FKBP3: variants seen among roughly 807,000 people sequenced by gnomAD.
FKBP3 encodes FKBP prolyl isomerase 3.
A neutral mutation model predicts 30.6 loss-of-function variants in FKBP3; 21 were observed. The observed-to-expected ratio is 0.69, with a 90% CI of 0.49 to 0.99. FKBP3 has a LOEUF of 0.99. FKBP3 is among the 50% of genes least tolerant of loss of function. The pLI is 0.00. For missense variants in FKBP3, 283 were observed against 261.6 expected, an observed-to-expected ratio of 1.08 and a Z score of -0.56; for synonymous variants, 82 against 91.3, an observed-to-expected ratio of 0.90 and a Z score of 0.58.
chr14:45,120,517 C>T (rs1210654092), intron 5 of FKBP3, among the ~76,000 whole-genome samples: 1 of 152,170 alleles, frequency 6.6e-6, no homozygotes, highest in Non-Finnish European at 1.5e-5. Context: ...AGTTATAAGA[C>T]ATTTTACAGG....
At chr14:45,127,239 G>A (rs752811965) in intron 3 of FKBP3, among the ~76,000 whole-genome samples, 6 of 150,870 alleles carry the variant, frequency 4.0e-5, no homozygotes, top group Admixed American at 2.0e-4. Flanking sequence ...TCAACCTTCC[G>A]AGTAGCTGGG....
At chr14:45,125,009 C>T (rs558848124) in intron 3 of FKBP3, among the ~76,000 whole-genome samples, 2 of 151,604 alleles carry the variant, frequency 1.3e-5, no homozygotes, top group Non-Finnish European at 2.9e-5. Flanking sequence ...CTCTGTTTCC[C>T]GAGTTCAAGC....
Position 45,115,893 on chromosome 14 carries a change from ACAGT to A in FKBP3, c.*301_*304del. The A allele has an allele frequency of 3.7e-6, 1 of 271,496 alleles. No individual in the cohort carries two copies. The highest frequency in any genetic ancestry group is 7.2e-6 in the Non-Finnish European group (1 of 138,508). 16.8% of individuals were successfully genotyped at this position (271,496 alleles called of 1,614,324 possible). ...ATAATATATTAACACCAAACAAATC[ACAGT>A]CAGATCAAGACAGTGGATCAATTTT... On this transcript the variant is annotated 3_prime_UTR_variant, in exon 7 of 7. Coordinates refer to ENST00000396062, the MANE Select transcript of FKBP3 (RefSeq NM_002013.4).
chr14:45,133,719 G>A (rs1356781289), intron 1 of FKBP3, among the ~76,000 whole-genome samples: 1 of 152,136 alleles, frequency 6.6e-6, no homozygotes, highest in Non-Finnish European at 1.5e-5. Flanking sequence ...ACAGTATAAA[G>A]CATTTCAAAT....
At chr14:45,117,987 T>C (rs749014570) in intron 6 of FKBP3, 41 bp downstream of exon 6, 44 of 1,436,126 alleles carry the variant, frequency 3.1e-5, no homozygotes, top group Non-Finnish European at 4.0e-5. Context: ...CTAGACGTTT[T>C]TTTTTTTTCA....
chr14:45,117,546 A>G (rs1352295230), intron 6 of FKBP3, among the ~76,000 whole-genome samples: 1 of 152,088 alleles, frequency 6.6e-6, no homozygotes, highest in African/African-American at 2.4e-5. Flanking sequence ...GTAATAATAA[A>G]TGCTTACACT....
At chr14:45,124,823 C>T (rs569263279) in intron 3 of FKBP3, among the ~76,000 whole-genome samples, 7 of 152,192 alleles carry the variant, frequency 4.6e-5, no homozygotes, top group South Asian at 4.1e-4. Context: ...TAGAAAAATA[C>T]GTAGGACATG....
chr14:45,124,378 A>C (rs934312012), intron 3 of FKBP3, among the ~76,000 whole-genome samples: 1 of 152,098 alleles, frequency 6.6e-6, no homozygotes, highest in East Asian at 1.9e-4. Context: ...CTAAAAATAC[A>C]AAAATTAGCT....
At chr14:45,125,903 A>AT (rs758654184) in intron 3 of FKBP3, among the ~76,000 whole-genome samples, 247 of 145,292 alleles carry the variant, frequency 1.7e-3, no homozygotes, top group Non-Finnish European at 2.6e-3. Flanking sequence ...AAGAAAAAAA[A>AT]TTTTTTTTTT....
At chr14:45,134,292 AG>A (rs377237372) in intron 1 of FKBP3, 56 bp downstream of exon 1, 6 of 1,346,844 alleles carry the variant, frequency 4.5e-6, no homozygotes, top group Middle Eastern at 1.8e-4. Context: ...GGGCATCTCC[AG>A]GGGGGTGAGG....
chr14:45,123,496 A>G (rs1885030297), intron 3 of FKBP3, among the ~76,000 whole-genome samples: 1 of 150,224 alleles, frequency 6.7e-6, no homozygotes, highest in African/African-American at 2.4e-5. Flanking sequence ...CCTGATTTTG[A>G]TAAGCGCCAG....
chr14:45,119,746 G>A (rs1461457830), intron 5 of FKBP3, among the ~76,000 whole-genome samples: 1 of 149,372 alleles, frequency 6.7e-6, no homozygotes, highest in Admixed American at 6.7e-5. Context: ...GGAGTGCAGT[G>A]GCGTGATCTC....
chr14:45,126,221 G>A lies in FKBP3; in HGVS notation c.318+3573C>T, dbSNP rs530008790. Among the ~76,000 whole-genome samples, 8 of 151,440 alleles carry A rather than the reference G, an allele frequency of 5.3e-5. No individual in the cohort carries two copies. In the East Asian group the frequency reaches 1.4e-3, roughly 27 times the overall value. ...CATGTCTATACAGGCCGGGCACAGT[G>A]GCTCACGCCTGTAATCCCAGCACTT... On this transcript the variant is annotated intron_variant, in intron 3 of 6. Coordinates refer to ENST00000396062, the MANE Select transcript of FKBP3 (RefSeq NM_002013.4).
chr14:45,133,756 G>A (rs781085485), intron 1 of FKBP3, among the ~76,000 whole-genome samples: 3 of 152,186 alleles, frequency 2.0e-5, no homozygotes, highest in Non-Finnish European at 4.4e-5. Flanking sequence ...TTATAACAAT[G>A]ACAGACCACT....
rs573313794 is a variant in FKBP3, at chr14:45,123,465, CT to C, written c.319-1846del. 2.4e-3 allele frequency among the ~76,000 whole-genome samples: 362 copies of C among 151,938 alleles called. 7 individuals are homozygous for C. Among genetic ancestry groups the C allele is most frequent in the Admixed American group, 0.021 (318 of 15,244 alleles). ...ACGCCTCAAGATGAAGATAGGACCC[CT>C]GTCTCTGTCTCTGTGGGAGCCTGAT... is the stretch of plus-strand genomic sequence containing the variant. On this transcript the variant is annotated intron_variant, in intron 3 of 6. Coordinates refer to ENST00000396062, the MANE Select transcript of FKBP3 (RefSeq NM_002013.4).
chr14:45,124,469 T>C (rs1885054583), intron 3 of FKBP3, among the ~76,000 whole-genome samples: 1 of 152,022 alleles, frequency 6.6e-6, no homozygotes. Flanking sequence ...GAGGCAGAGG[T>C]TGCAGTGAGC....
chr14:45,127,115 C>CTTTT (rs1231283034), intron 3 of FKBP3, among the ~76,000 whole-genome samples: 6 of 120,688 alleles, frequency 5.0e-5, no homozygotes, highest in African/African-American at 7.4e-5. Flanking sequence ...CTGACCCTGT[C>CTTTT]TTTTTTTTTT....
chr14:45,116,891 G>T (rs1884855633), intron 6 of FKBP3, among the ~76,000 whole-genome samples: 1 of 151,980 alleles, frequency 6.6e-6, no homozygotes, highest in Non-Finnish European at 1.5e-5. Context: ...TAACTTAAGA[G>T]TTATATAATT....
At chr14:45,127,115 C>CTTTTTTTTTTTTTTT (rs1231283034) in intron 3 of FKBP3, among the ~76,000 whole-genome samples, 32 of 120,636 alleles carry the variant, frequency 2.7e-4, no homozygotes, top group Middle Eastern at 4.5e-3. Flanking sequence ...CTGACCCTGT[C>CTTTTTTTTTTTTTTT]TTTTTTTTTT....
Sources: allele counts gnomAD v4.1 joint callset (sites outside exome capture counted in the v4.1 genomes callset), GRCh38; gene constraint gnomAD v4.1.1; transcripts MANE v1.5; gene names NCBI Gene and HGNC (gene_info 2026-07-23, HGNC 2026-07-21).